Variants in MARCHF1 observed in about 807,000 individuals in gnomAD.
MARCHF1 encodes E3 ubiquitin-protein ligase MARCHF1.
In MARCHF1, 40 loss-of-function variants were observed where a neutral mutation model predicts 54.2. The ratio of observed to expected loss-of-function variants is 0.74; its 90% CI spans 0.57 to 0.96. The LOEUF (loss-of-function observed/expected upper bound fraction) is 0.96. MARCHF1 is among the 40% of genes least tolerant of loss of function. The pLI is 0.00. For synonymous variants in MARCHF1, 236 were observed against 236.3 expected (o/e 1.00, Z 0.01); for missense variants, 586 against 656.5 (o/e 0.89, Z 1.17).
At chr4:164,345,165 G>C (rs1473305964) in intron 1 of MARCHF1, among the ~76,000 whole-genome samples, 1 of 152,110 alleles carries the variant, frequency 6.6e-6, no homozygotes, top group Non-Finnish European at 1.5e-5. Flanking sequence ...AATAAATGTT[G>C]ATATGATGGC....
In MARCHF1 at chr4:163,610,938, G is replaced by A. The variant is rs563714894; in HGVS notation, c.1010+1333C>T. Reference sequence around the variant, plus strand: ...GCTAGTGGCAGCCTCTGCCTAGATGGTCTTCCCTGCTTCTTTCCTGATCAA... The same window carrying A: ...GCTAGTGGCAGCCTCTGCCTAGATGATCTTCCCTGCTTCTTTCCTGATCAA... On this transcript the variant is annotated intron_variant, in intron 7 of 9. Coordinates refer to ENST00000514618, the MANE Select transcript of MARCHF1 (RefSeq NM_001394959.1). Among the ~76,000 whole-genome samples, 447 of 152,022 alleles carry A rather than the reference G, an allele frequency of 2.9e-3. 3 individuals are homozygous for A. The highest frequency in any genetic ancestry group is 9.8e-3 in the African/African-American group (405 of 41,472).
chr4:163,607,802 G>A (rs867901960), intron 7 of MARCHF1, among the ~76,000 whole-genome samples: 1 of 151,994 alleles, frequency 6.6e-6, no homozygotes, highest in Admixed American at 6.6e-5. Context: ...AATCACCTGG[G>A]AACATTTTAA....
intron 5 of MARCHF1, among the ~76,000 whole-genome samples, chr4:163,643,387 C>G (rs1003638395): frequency 6.6e-6 from 1 of 151,026 alleles, no homozygotes; most frequent in African/African-American, 2.4e-5. Context: ...GTTGCCCAGG[C>G]TAGTCTCAAA....
At chr4:164,022,360 C>A (rs548930947) in intron 2 of MARCHF1, among the ~76,000 whole-genome samples, 2 of 152,334 alleles carry the variant, frequency 1.3e-5, no homozygotes, top group South Asian at 4.1e-4. Flanking sequence ...AGTAAACCAA[C>A]ATACTTTGGC....
rs567988962 is a variant in MARCHF1 at position 164,381,609 on chromosome 4, G to C, written c.-323+2261C>G. 2.6e-5 allele frequency among the ~76,000 whole-genome samples: 4 copies of C among 152,234 alleles called. No individual in the cohort carries two copies. In the East Asian group the frequency reaches 7.7e-4, roughly 29 times the overall value. On this transcript the variant is annotated intron_variant, in intron 1 of 9. Coordinates refer to ENST00000514618, the MANE Select transcript of MARCHF1 (RefSeq NM_001394959.1). ...TGAGCCAAACACCACAGTACCTCCTGTTGATCATTGCTAGCTGATTATCTG... is the reference window on the plus strand; with the variant it reads ...TGAGCCAAACACCACAGTACCTCCTCTTGATCATTGCTAGCTGATTATCTG...
chr4:163,919,470 T>C lies in MARCHF1; in HGVS notation c.-38-65301A>G, dbSNP rs187260392. Among the ~76,000 whole-genome samples the C allele has an allele frequency of 2.0e-5, 3 of 152,080 alleles. No individual in the cohort carries two copies. The East Asian group carries it at 5.8e-4, about 29-fold the overall frequency. ...TATATAATTACAAAGGACATAAGAA[T>C]TACAATGTCCTGCATTGATAGAGTT... On this transcript the variant is annotated intron_variant, in intron 3 of 9. Transcript: ENST00000514618.
intron 4 of MARCHF1, among the ~76,000 whole-genome samples, chr4:163,852,957 G>A (rs1275358269): frequency 6.6e-6 from 1 of 152,080 alleles, no homozygotes; most frequent in East Asian, 1.9e-4. Flanking sequence ...GAGGGAGCTT[G>A]TTTGCCCCTT....
intron 1 of MARCHF1, chr4:164,189,819 G>A: frequency 8.2e-6 from 13 of 1,590,542 alleles, no homozygotes; most frequent in Non-Finnish European, 1.1e-5. Context: ...GGGTACATTT[G>A]ATCTGACTGG....
intron 1 of MARCHF1, among the ~76,000 whole-genome samples, chr4:164,375,632 T>C (rs1731168340): frequency 6.6e-6 from 1 of 152,178 alleles, no homozygotes; most frequent in Non-Finnish European, 1.5e-5. Flanking sequence ...AAATAGATGG[T>C]CTGTATTTGT....
intron 1 of MARCHF1, among the ~76,000 whole-genome samples, chr4:164,264,130 G>C (rs1217644705): frequency 1.3e-5 from 2 of 152,074 alleles, no homozygotes; most frequent in African/African-American, 4.8e-5. Context: ...AAGAAAATGT[G>C]GTACATATAC....
chr4:163,830,917 C>T (rs1051527164), intron 4 of MARCHF1, among the ~76,000 whole-genome samples: 8 of 152,234 alleles, frequency 5.3e-5, no homozygotes, highest in South Asian at 2.1e-4. Context: ...AATATAAGGA[C>T]GCCTACCAGC....
chr4:163,750,558 G>A lies in MARCHF1; in HGVS notation c.112-49695C>T, dbSNP rs181196530. 2.0e-3 allele frequency among the ~76,000 whole-genome samples: 254 copies of A among 126,728 alleles called. 4 individuals carry two copies. Among genetic ancestry groups the A allele is most frequent in the Non-Finnish European group, 3.4e-3 (191 of 56,762 alleles). 83.1% of individuals were successfully genotyped at this position (126,728 alleles called of 152,430 possible). A position where few individuals can be genotyped will look rare whatever the true frequency, so the allele number is the denominator to read the frequency against. ...TAAATAAATAAATAAATAAATAAACGTATCTGACAAAGAGACCATAAGGCC... is the reference window on the plus strand; with the variant it reads ...TAAATAAATAAATAAATAAATAAACATATCTGACAAAGAGACCATAAGGCC... On this transcript the variant is annotated intron_variant, in intron 4 of 9. Transcript: ENST00000514618.
intron 2 of MARCHF1, among the ~76,000 whole-genome samples, chr4:164,031,333 G>A (rs1753872495): frequency 1.3e-5 from 2 of 152,070 alleles, no homozygotes; most frequent in East Asian, 3.9e-4. Context: ...GGTCAGTGGT[G>A]ATATCCCCTT....
At chr4:163,648,148 G>A (rs1429400078) in intron 5 of MARCHF1, among the ~76,000 whole-genome samples, 1 of 151,720 alleles carries the variant, frequency 6.6e-6, no homozygotes, top group Non-Finnish European at 1.5e-5. Flanking sequence ...ATAAAACTTG[G>A]GATTTTTCCT....
chr4:163,690,281 T>C (rs1183176514), intron 5 of MARCHF1, among the ~76,000 whole-genome samples: 1 of 152,082 alleles, frequency 6.6e-6, no homozygotes, highest in East Asian at 1.9e-4. Context: ...CAAAAAAGAG[T>C]CTTCTTGTTA....
chr4:163,804,624 A>G (rs550842585), intron 4 of MARCHF1, among the ~76,000 whole-genome samples: 72 of 152,354 alleles, frequency 4.7e-4, no homozygotes, highest in African/African-American at 1.7e-3. Flanking sequence ...TGAGAAAAAT[A>G]AAAGACCAAA....
chr4:163,767,857 G>A (rs963008743), intron 4 of MARCHF1, among the ~76,000 whole-genome samples: 8 of 151,960 alleles, frequency 5.3e-5, no homozygotes, highest in Admixed American at 4.6e-4. Flanking sequence ...TTAATTTTCT[G>A]CACATTTATA....
At chr4:163,776,103 T>C (rs1476570738) in intron 4 of MARCHF1, among the ~76,000 whole-genome samples, 1 of 152,176 alleles carries the variant, frequency 6.6e-6, no homozygotes, top group Non-Finnish European at 1.5e-5. Flanking sequence ...GATTCTACTA[T>C]GTGTCAGACA....
At chr4:164,114,893 T>C (rs1363059286) in intron 1 of MARCHF1, among the ~76,000 whole-genome samples, 1 of 151,538 alleles carries the variant, frequency 6.6e-6, no homozygotes, top group Admixed American at 6.6e-5. Flanking sequence ...CACATGAAAT[T>C]ATCTCCCACT....
Sources: gnomAD v4.1 joint callset for allele counts (sites outside exome capture counted in the v4.1 genomes callset) on GRCh38, gnomAD v4.1.1 for gene constraint, MANE v1.5 for transcripts, NCBI Gene and HGNC (gene_info 2026-07-23, HGNC 2026-07-21) for gene names.